Variants in PROM1 observed in about 807,000 individuals in gnomAD.
The protein encoded by PROM1 is prominin 1, also known as prominin-1.
Under a neutral mutation model 116.9 loss-of-function variants are expected in PROM1, and 105 were observed. The observed-to-expected ratio is 0.90, with a 90% CI of 0.77 to 1.06. PROM1 has a LOEUF of 1.06. Among genes scored for constraint, PROM1 ranks in the 50% least tolerant of loss-of-function variants. PROM1 has a pLI of 0.00. For missense variants in PROM1, 1,122 were observed against 1,045.2 expected, an observed-to-expected ratio of 1.07 and a Z score of -1.01; for synonymous variants, 393 against 387.0, an observed-to-expected ratio of 1.02 and a Z score of -0.18.
chr4:16,029,806 A>C (rs1188643250), intron 5 of PROM1, among the ~76,000 whole-genome samples: 1 of 152,228 alleles, frequency 6.6e-6, no homozygotes, highest in Non-Finnish European at 1.5e-5. Flanking sequence ...GGGTTTCTGA[A>C]AGAATTTTTT....
At chr4:16,081,974 G>A (rs1276285574) in intron 1 of PROM1, 1 of 152,036 alleles carries the variant, frequency 6.6e-6, no homozygotes, top group Non-Finnish European at 1.5e-5. Flanking sequence ...CAACAGTAAG[G>A]GGGCTCTGGT....
intron 8 of PROM1, among the ~76,000 whole-genome samples, chr4:16,018,835 T>C (rs1259915931): frequency 3.3e-5 from 5 of 152,132 alleles, no homozygotes; most frequent in Non-Finnish European, 5.9e-5. Flanking sequence ...TGGCCAGCAG[T>C]GGCCAGCAAA....
intron 11 of PROM1, among the ~76,000 whole-genome samples, chr4:16,009,959 T>G (rs897902033): frequency 7.4e-6 from 1 of 135,536 alleles, no homozygotes. Context: ...AAAAAAAAAG[T>G]CTTCAGGAAC....
chr4:16,040,216 A>T (rs987461531), intron 2 of PROM1, among the ~76,000 whole-genome samples: 1 of 152,244 alleles, frequency 6.6e-6, no homozygotes, highest in African/African-American at 2.4e-5. Flanking sequence ...TCTGCAAAAC[A>T]ACTTTTCTCC....
At chr4:15,996,903 A>G (rs1439857809) in intron 15 of PROM1, among the ~76,000 whole-genome samples, 1 of 152,144 alleles carries the variant, frequency 6.6e-6, no homozygotes, top group Non-Finnish European at 1.5e-5. Flanking sequence ...TCTGCTCTCA[A>G]TGTGAGTCAC....
intron 15 of PROM1, among the ~76,000 whole-genome samples, chr4:15,996,193 C>G (rs1722276672): frequency 6.6e-6 from 1 of 152,152 alleles, no homozygotes. Context: ...TACCACTTAG[C>G]ATAATATTTA....
At chr4:16,057,132 TA>T (rs760778583) in intron 2 of PROM1, among the ~76,000 whole-genome samples, 19 of 152,240 alleles carry the variant, frequency 1.2e-4, no homozygotes, top group Admixed American at 6.5e-5. Flanking sequence ...AATGGCTCTT[TA>T]AAGAAACACA....
At chr4:16,020,090 A>G (rs980391951) in intron 8 of PROM1, among the ~76,000 whole-genome samples, 1 of 152,100 alleles carries the variant, frequency 6.6e-6, no homozygotes, top group South Asian at 2.1e-4. Flanking sequence ...GTGCCCTAAT[A>G]GCTTGTGGGG....
chr4:15,999,694 C>T (rs1247060767), intron 14 of PROM1, among the ~76,000 whole-genome samples: 1 of 152,152 alleles, frequency 6.6e-6, no homozygotes, highest in African/African-American at 2.4e-5. Context: ...ATTTGACCTG[C>T]TGGTGATCTC....
At chr4:16,061,352 G>C (rs1222854705) in intron 2 of PROM1, among the ~76,000 whole-genome samples, 1 of 152,202 alleles carries the variant, frequency 6.6e-6, no homozygotes, top group African/African-American at 2.4e-5. Context: ...TGATCTAGCT[G>C]TAGAACAGTA....
chr4:16,023,545 GGGTTAAAC>G, intron 7 of PROM1, 130 bp from the exon 8 acceptor site: 1 of 666,428 alleles, frequency 1.5e-6, no homozygotes, highest in East Asian at 2.8e-5. Context: ...CCCTGTCTAG[GGGTTAAAC>G]TCGTGTATGG....
intron 1 of PROM1, among the ~76,000 whole-genome samples, chr4:16,077,933 A>T (rs758942448): frequency 6.6e-6 from 1 of 152,186 alleles, no homozygotes; most frequent in South Asian, 2.1e-4. Context: ...GCATGGCCTC[A>T]AGTCTAGGGA....
At chr4:15,986,830 G>A (rs149080463) in intron 20 of PROM1, among the ~76,000 whole-genome samples, 75 of 152,332 alleles carry the variant, frequency 4.9e-4, no homozygotes, top group Middle Eastern at 6.8e-3. Context: ...AAAGTGGAAG[G>A]AGGAACATTT....
chr4:16,000,725 A>T, intron 13 of PROM1, 106 bp from the exon 14 acceptor site: 1 of 975,114 alleles, frequency 1.0e-6, no homozygotes, highest in Non-Finnish European at 1.4e-6. Flanking sequence ...TGGGGTCTTC[A>T]GTGTTATTCA....
chr4:16,072,094 CACAGGGGTGGTT>C (rs1436306634), intron 2 of PROM1, among the ~76,000 whole-genome samples: 1 of 152,176 alleles, frequency 6.6e-6, no homozygotes, highest in African/African-American at 2.4e-5. Flanking sequence ...GCCATGTCAA[CACAGGGGTGGTT>C]ACCTGTGTTC....
intron 2 of PROM1, 78 bp from the exon 3 acceptor site, chr4:16,039,079 T>C: frequency 8.3e-7 from 1 of 1,207,318 alleles, no homozygotes; most frequent in Non-Finnish European, 1.1e-6. Context: ...AAGATCTTTA[T>C]ATGCTTAAAA....
Position 16,018,390 on chromosome 4 carries a change from G to A in PROM1, c.935C>T (p.Ser312Leu), listed in dbSNP as rs547566004. The stretch of plus-strand genomic sequence containing the variant: ...TCTGATGCTGTTGCAGGTTTCACTT[G>A]ATGGATGCACCAAGCACAGAGGGTC... ...LNDPLCLVHPSSETCNSIRLS... is the reference protein window; with the variant it reads ...LNDPLCLVHPLSETCNSIRLS... The change falls in exon 9 of 28, where the codon TCA becomes TTA. Residue 312 changes from serine (S) to leucine (L), a missense_variant. Coordinates refer to ENST00000447510, the MANE Select transcript of PROM1 (RefSeq NM_006017.3). 1 of 1,613,872 alleles carries A rather than the reference G, an allele frequency of 6.2e-7. No homozygotes were observed. The highest frequency in any genetic ancestry group is 2.2e-5 in the East Asian group (1 of 44,888).
intron 5 of PROM1, among the ~76,000 whole-genome samples, chr4:16,025,729 A>G (rs906133418): frequency 6.6e-6 from 1 of 152,160 alleles, no homozygotes; most frequent in Non-Finnish European, 1.5e-5. Flanking sequence ...GCACACACAC[A>G]CACACACACA....
At chr4:16,035,894 A>C in intron 3 of PROM1, 133 bp from the exon 4 acceptor site, 1 of 820,182 alleles carries the variant, frequency 1.2e-6, no homozygotes, top group Non-Finnish European at 2.1e-6. Context: ...GGGTGATAGA[A>C]GGATAAACAT....
Sources: allele counts gnomAD v4.1 joint callset (sites outside exome capture counted in the v4.1 genomes callset), GRCh38; gene constraint gnomAD v4.1.1; transcripts MANE v1.5; gene names NCBI Gene and HGNC (gene_info 2026-07-23, HGNC 2026-07-21).